The following FYB1 variants were observed in gnomAD, a reference collection of about 807,000 sequenced individuals.
FYB1 encodes FYN-binding protein 1.
In FYB1, 41 loss-of-function variants were observed where a neutral mutation model predicts 94.1. That is an observed-to-expected ratio of 0.44 (90% CI 0.34 to 0.57). The LOEUF (loss-of-function observed/expected upper bound fraction) is 0.57, where lower values mean the gene tolerates loss of function less well. Ranked by LOEUF, FYB1 falls within the 20% of genes least tolerant of loss-of-function variation. The pLI is 0.02. For synonymous variants in FYB1, 367 were observed against 353.2 expected, an observed-to-expected ratio of 1.04 and a Z score of -0.44; for missense variants, 1,050 against 976.8, an observed-to-expected ratio of 1.07 and a Z score of -1.00.
chr5:39,124,550 T>C (rs539435432), intron 12 of FYB1, among the ~76,000 whole-genome samples: 23 of 152,260 alleles, frequency 1.5e-4, no homozygotes, highest in African/African-American at 5.1e-4. Flanking sequence ...CCATAGCCAC[T>C]GGATCAAAAT....
At chr5:39,196,795 G>A (rs555638551) in intron 2 of FYB1, among the ~76,000 whole-genome samples, 45 of 152,302 alleles carry the variant, frequency 3.0e-4, no homozygotes, top group African/African-American at 1.1e-3. Flanking sequence ...CACAGTCTGC[G>A]GAATCAGAAA....
intron 11 of FYB1, 91 bp downstream of exon 11, chr5:39,127,650 A>C: frequency 7.2e-7 from 1 of 1,383,678 alleles, no homozygotes; most frequent in Non-Finnish European, 9.6e-7. Context: ...AAAGAACACT[A>C]TTTTCCGCTT....
chr5:39,137,814 T>A, intron 6 of FYB1, 94 bp from the exon 7 acceptor site: 1 of 1,496,086 alleles, frequency 6.7e-7, no homozygotes, highest in South Asian at 1.3e-5. Context: ...ACAGAAAAGG[T>A]GGTATCTGAA....
chr5:39,253,878 C>T (rs1751832525), intron 1 of FYB1, among the ~76,000 whole-genome samples: 1 of 152,118 alleles, frequency 6.6e-6, no homozygotes, highest in East Asian at 1.9e-4. Context: ...GTGTTGTTGC[C>T]CTCTATGAGT....
chr5:39,219,212 C>A (rs1750104880), intron 1 of FYB1, among the ~76,000 whole-genome samples: 1 of 152,182 alleles, frequency 6.6e-6, no homozygotes, highest in Admixed American at 6.5e-5. Context: ...GAGCAAGTGA[C>A]AGACACGTTC....
chr5:39,203,406 A>T (rs1748556679), intron 1 of FYB1, among the ~76,000 whole-genome samples: 1 of 152,194 alleles, frequency 6.6e-6, no homozygotes, highest in Non-Finnish European at 1.5e-5. Flanking sequence ...TACCTTTAAA[A>T]AATGAAAGTA....
In FYB1 at chr5:39,126,079, A is replaced by G. The variant is rs374823451; in HGVS notation, c.1964T>C (p.Met655Thr). Residue 655 changes from methionine (M) to threonine (T), a missense_variant, in exon 12 of 19, where the codon ATG (methionine) becomes ACG (threonine). Transcript: ENST00000512982. Reference protein sequence around the residue: ...SNTWSWGILKMLKGKDDRKKS... With the variant: ...SNTWSWGILKTLKGKDDRKKS... Reference sequence around the variant, plus strand: ...CTTTCTGTCATCTTTTCCCTTTAACATCTTCAAAATCCCCCAGGACCACGT... The same window carrying G: ...CTTTCTGTCATCTTTTCCCTTTAACGTCTTCAAAATCCCCCAGGACCACGT... 8 of 1,613,484 alleles carry G rather than the reference A, an allele frequency of 5.0e-6. No homozygotes were observed. The African/African-American group carries it at 8.0e-5, about 16-fold the overall frequency.
Position 39,163,152 on chromosome 5 carries a change from G to A in FYB1, c.1136-9548C>T, listed in dbSNP as rs186965452. 3.5e-4 allele frequency among the ~76,000 whole-genome samples: 54 copies of A among 152,234 alleles called. No individual in the cohort carries two copies. The East Asian group carries it at 7.0e-3, about 20-fold the overall frequency. On this transcript the variant is annotated intron_variant, in intron 2 of 18. Transcript: ENST00000512982. ...ACAGACTTAGAAAATCTAGTTTTAC[G>A]GAATTTTTCCTTGCCCTAATTCAAA...
At chr5:39,241,671 T>A (rs1307113057) in intron 1 of FYB1, among the ~76,000 whole-genome samples, 5 of 152,136 alleles carry the variant, frequency 3.3e-5, no homozygotes, top group African/African-American at 1.2e-4. Context: ...TATGGTTGAG[T>A]TGGCTGTGTC....
At chr5:39,117,373 T>C (rs997858392) in intron 16 of FYB1, among the ~76,000 whole-genome samples, 2 of 152,192 alleles carry the variant, frequency 1.3e-5, no homozygotes, top group Non-Finnish European at 2.9e-5. Flanking sequence ...CTTTGAACTT[T>C]TAAACATTTT....
At chr5:39,235,674 A>G (rs997494373) in intron 1 of FYB1, among the ~76,000 whole-genome samples, 1 of 151,710 alleles carries the variant, frequency 6.6e-6, no homozygotes. Context: ...TTGAGCAAGT[A>G]TTTGGTGCTA....
At chr5:39,177,761 GT>G (rs1554033237) in intron 2 of FYB1, among the ~76,000 whole-genome samples, 2 of 152,104 alleles carry the variant, frequency 1.3e-5, no homozygotes, top group Non-Finnish European at 2.9e-5. Flanking sequence ...GCATGTGTAC[GT>G]GTGTATGCTT....
chr5:39,114,250 A>T (rs1216724160), intron 16 of FYB1, among the ~76,000 whole-genome samples: 5 of 152,128 alleles, frequency 3.3e-5, no homozygotes, highest in African/African-American at 4.8e-5. Context: ...TATGAGACAT[A>T]GAGTTGTGGA....
At chr5:39,131,785 A>G (rs1345088403) in intron 9 of FYB1, among the ~76,000 whole-genome samples, 3 of 152,146 alleles carry the variant, frequency 2.0e-5, no homozygotes, top group Non-Finnish European at 4.4e-5. Context: ...CTTGGCAGAT[A>G]CTTTTCATCT....
At chr5:39,235,050 G>GAATAAT (rs36227810) in intron 1 of FYB1, among the ~76,000 whole-genome samples, 1 of 148,506 alleles carries the variant, frequency 6.7e-6, no homozygotes, top group African/African-American at 2.5e-5. Context: ...AGAACTTAAA[G>GAATAAT]AATAATAATA....
At chr5:39,215,228 A>T (rs913311987) in intron 1 of FYB1, among the ~76,000 whole-genome samples, 3 of 148,294 alleles carry the variant, frequency 2.0e-5, no homozygotes, top group African/African-American at 5.3e-5. Flanking sequence ...TAAGAATGTT[A>T]AAAAAGGTGT....
At chr5:39,221,933 G>C (rs964171070), upstream of FYB1, among the ~76,000 whole-genome samples, 1 of 152,014 alleles carries the variant, frequency 6.6e-6, no homozygotes, top group African/African-American at 2.4e-5. Flanking sequence ...CAAAGGAGGC[G>C]GAGGTTGCAG....
chr5:39,206,692 C>G lies in FYB1; in HGVS notation c.-27-3705G>C, dbSNP rs549396985. On this transcript the variant is annotated intron_variant, in intron 1 of 18. Coordinates refer to ENST00000512982, the MANE Select transcript of FYB1 (RefSeq NM_001465.6). ...AGCAATGTTCCGTTTTAATCTCAAA[C>G]TGATCTTCCTCAAATAATAAACTAC... 2.6e-5 allele frequency among the ~76,000 whole-genome samples: 4 copies of G among 152,318 alleles called. No homozygotes were observed. In the South Asian group the frequency reaches 8.3e-4, roughly 32 times the overall value.
intron 2 of FYB1, among the ~76,000 whole-genome samples, chr5:39,198,625 A>C (rs1161067173): frequency 6.6e-6 from 1 of 152,172 alleles, no homozygotes; most frequent in African/African-American, 2.4e-5. Flanking sequence ...AATAAATTAC[A>C]TGAGATAGTC....
Sources: gnomAD v4.1 joint callset for allele counts (sites outside exome capture counted in the v4.1 genomes callset) on GRCh38, gnomAD v4.1.1 for gene constraint, MANE v1.5 for transcripts, NCBI Gene and HGNC (gene_info 2026-07-23, HGNC 2026-07-21) for gene names.